Variants in LEKR1 observed in about 807,000 individuals in gnomAD.
LEKR1 encodes leucine, glutamate and lysine rich 1, also known as protein LEKR1.
LEKR1 carries 59 observed loss-of-function variants against 72.4 expected under a neutral mutation model. The ratio of observed to expected loss-of-function variants is 0.82; its 90% CI spans 0.66 to 1.01. The LOEUF (loss-of-function observed/expected upper bound fraction) is 1.01, where lower values mean the gene tolerates loss of function less well. Ranked by LOEUF, LEKR1 falls within the 50% of genes least tolerant of loss-of-function variation. LEKR1 has a pLI of 0.00. For missense variants in LEKR1, 728 were observed against 759.2 expected, an observed-to-expected ratio of 0.96 and a Z score of 0.48; for synonymous variants, 257 against 263.2, an observed-to-expected ratio of 0.98 and a Z score of 0.23.
At chr3:156,902,125 T>C (rs1722098059) in intron 3 of LEKR1, among the ~76,000 whole-genome samples, 2 of 152,088 alleles carry the variant, frequency 1.3e-5, no homozygotes, top group Admixed American at 6.6e-5. Flanking sequence ...AATAAATGGG[T>C]TTTGTATTAT....
At chr3:156,949,635 TATA>T (rs1323080777) in intron 6 of LEKR1, among the ~76,000 whole-genome samples, 22 of 151,220 alleles carry the variant, frequency 1.5e-4, no homozygotes, top group African/African-American at 1.5e-4. Flanking sequence ...ACAAAATGGG[TATA>T]ATAACAGTCC....
chr3:156,951,088 A>G (rs966755049), intron 6 of LEKR1, among the ~76,000 whole-genome samples: 26 of 151,644 alleles, frequency 1.7e-4, no homozygotes, highest in African/African-American at 6.0e-4. Flanking sequence ...GTTGAATTTT[A>G]TCAAAAGCCT....
intron 12 of LEKR1, 22 bp downstream of exon 12, chr3:157,028,424 C>G (rs1734363464): frequency 6.5e-7 from 1 of 1,542,988 alleles, no homozygotes; most frequent in Non-Finnish European, 8.7e-7. Flanking sequence ...ATAGTGGTAA[C>G]TTTGCAATTA....
At chr3:156,937,942 T>C (rs2108579525) in intron 5 of LEKR1, among the ~76,000 whole-genome samples, 1 of 152,306 alleles carries the variant, frequency 6.6e-6, no homozygotes, top group East Asian at 1.9e-4. Context: ...ATTTTGTTTA[T>C]ATAGCATTCT....
intron 3 of LEKR1, among the ~76,000 whole-genome samples, chr3:156,893,320 A>C (rs1720847782): frequency 6.6e-6 from 1 of 152,138 alleles, no homozygotes; most frequent in Admixed American, 6.5e-5. Context: ...ATGTGACGGA[A>C]CACTGTTAAT....
At chr3:156,881,335 A>C (rs1328041268) in intron 3 of LEKR1, among the ~76,000 whole-genome samples, 2 of 152,062 alleles carry the variant, frequency 1.3e-5, no homozygotes, top group South Asian at 2.1e-4. Context: ...CAAAAATCAC[A>C]AGCATTCTTA....
At chr3:156,899,787 CAT>C (rs71141736) in intron 3 of LEKR1, among the ~76,000 whole-genome samples, 69,496 of 135,894 alleles carry the variant, frequency 0.51, 20,313 homozygotes, top group East Asian at 0.75. Context: ...CATATATACA[CAT>C]ATATACATGT....
chr3:156,841,716 C>T (rs1053669189), intron 2 of LEKR1, among the ~76,000 whole-genome samples: 2 of 152,082 alleles, frequency 1.3e-5, no homozygotes, highest in South Asian at 2.1e-4. Context: ...ATGACAGTAC[C>T]GTCTTTTAGA....
At chr3:156,888,561 T>C (rs891329422) in intron 3 of LEKR1, 4 of 537,798 alleles carry the variant, frequency 7.4e-6, no homozygotes, top group African/African-American at 3.8e-5. Context: ...CTGGTTAGAT[T>C]TGGGAGCTGC....
In LEKR1 at chr3:156,927,527, A is replaced by C; in HGVS notation, c.482A>C (p.Asp161Ala). 1 of 1,230,238 alleles carries C rather than the reference A, an allele frequency of 8.1e-7. No homozygotes were observed. Among genetic ancestry groups the C allele is most frequent in the South Asian group, 1.4e-5 (1 of 70,392 alleles). The allele number at this position is 1,230,238 out of a possible 1,614,324, so 76.2% of individuals were successfully genotyped here. A position where few individuals can be genotyped will look rare whatever the true frequency, so the allele number is the denominator to read the frequency against. Residue 161 changes from aspartate (D) to alanine (A), a missense_variant, in exon 5 of 13, where the codon GAT (aspartate) becomes GCT (alanine). Asp to Ala is a moderately radical substitution (Grantham distance 126, BLOSUM62 -2). Coordinates refer to ENST00000356539, the MANE Select transcript of LEKR1 (RefSeq NM_001004316.3). Reference sequence around the variant, plus strand: ...ACCAGTATTAAAAATGAAGTATATGATAATTACCAAAACTGGACTTCATTG... The same window carrying C: ...ACCAGTATTAAAAATGAAGTATATGCTAATTACCAAAACTGGACTTCATTG... Reference protein sequence around the residue: ...ELTSIKNEVYDNYQNWTSLKG... With the variant: ...ELTSIKNEVYANYQNWTSLKG...
At chr3:157,044,633 AG>A (rs1411914686) in intron 12 of LEKR1, among the ~76,000 whole-genome samples, 1 of 152,226 alleles carries the variant, frequency 6.6e-6, no homozygotes, top group African/African-American at 2.4e-5. Flanking sequence ...AAACCTACGA[AG>A]GTACAAACTT....
chr3:156,843,467 C>T (rs186065218), intron 2 of LEKR1, among the ~76,000 whole-genome samples: 1 of 151,536 alleles, frequency 6.6e-6, no homozygotes, highest in East Asian at 1.9e-4. Flanking sequence ...TACCACAGGA[C>T]ACAAAAGTAA....
chr3:156,947,511 C>T (rs1008637443), intron 6 of LEKR1, among the ~76,000 whole-genome samples: 1 of 151,058 alleles, frequency 6.6e-6, no homozygotes, highest in African/African-American at 2.4e-5. Context: ...ATGCTGGCAA[C>T]ACAGCAGATG....
At chr3:156,868,947 A>G (rs1316964427) in intron 3 of LEKR1, among the ~76,000 whole-genome samples, 3 of 152,004 alleles carry the variant, frequency 2.0e-5, no homozygotes, top group African/African-American at 7.2e-5. Flanking sequence ...AACATGCAGC[A>G]TTTAACTTTC....
intron 6 of LEKR1, among the ~76,000 whole-genome samples, chr3:156,956,478 G>T (rs1305337143): frequency 3.9e-5 from 6 of 151,948 alleles, no homozygotes; most frequent in Non-Finnish European, 8.8e-5. Context: ...AAATCCAGAA[G>T]TAGAATCAGA....
At chr3:156,952,064 A>G (rs1727205915) in intron 6 of LEKR1, among the ~76,000 whole-genome samples, 2 of 151,524 alleles carry the variant, frequency 1.3e-5, no homozygotes, top group Non-Finnish European at 3.0e-5. Flanking sequence ...AAATAGTCAA[A>G]ATGATATATA....
At chr3:156,897,857 G>C (rs1052903182) in intron 3 of LEKR1, among the ~76,000 whole-genome samples, 2 of 151,884 alleles carry the variant, frequency 1.3e-5, no homozygotes, top group Non-Finnish European at 2.9e-5. Context: ...GGAGGCTAAG[G>C]CAGGAGAATT....
At chr3:156,842,797 G>C (rs1438775743) in intron 2 of LEKR1, among the ~76,000 whole-genome samples, 1 of 152,134 alleles carries the variant, frequency 6.6e-6, no homozygotes, top group Non-Finnish European at 1.5e-5. Context: ...TAGGGAAGAA[G>C]GAATAAGATA....
At chr3:156,844,825 T>A (rs1052972014) in intron 2 of LEKR1, among the ~76,000 whole-genome samples, 9 of 152,114 alleles carry the variant, frequency 5.9e-5, no homozygotes, top group Admixed American at 5.9e-4. Flanking sequence ...GCTATAAACA[T>A]TCATTTATGT....
Sources: gnomAD v4.1 joint callset for allele counts (sites outside exome capture counted in the v4.1 genomes callset) on GRCh38, gnomAD v4.1.1 for gene constraint, MANE v1.5 for transcripts, NCBI Gene and HGNC (gene_info 2026-07-23, HGNC 2026-07-21) for gene names.